The following NUP205 variants were observed in gnomAD, a reference collection of about 807,000 sequenced individuals.
The protein encoded by NUP205 is nuclear pore complex protein Nup205.
In NUP205, 76 loss-of-function variants were observed where a neutral mutation model predicts 253.8. That is an observed-to-expected ratio of 0.30 (90% CI 0.25 to 0.36). The LOEUF is 0.36. Among genes scored for constraint, NUP205 ranks in the 10% least tolerant of loss-of-function variants. NUP205 has a pLI of 1.00. For synonymous variants in NUP205, 832 were observed against 850.1 expected, an observed-to-expected ratio of 0.98 and a Z score of 0.37; for missense variants, 2,162 against 2,425.5, an observed-to-expected ratio of 0.89 and a Z score of 2.28.
chr7:135,618,666 T>C (rs902279669), intron 28 of NUP205, 63 bp downstream of exon 28: 1 of 1,385,018 alleles, frequency 7.2e-7, no homozygotes, highest in Non-Finnish European at 9.8e-7. Context: ...CAAATATATT[T>C]TGGCATCCTA....
At chr7:135,587,514 C>T in intron 8 of NUP205, 61 bp from the exon 9 acceptor site, 1 of 940,394 alleles carries the variant, frequency 1.1e-6, no homozygotes. Flanking sequence ...TGCCTGATTT[C>T]ATTATTATTA....
intron 29 of NUP205, 27 bp downstream of exon 29, chr7:135,619,717 A>G (rs1794434786): frequency 1.3e-6 from 2 of 1,599,510 alleles, no homozygotes; most frequent in African/African-American, 2.7e-5. Flanking sequence ...TTGTCTATAA[A>G]TTCTATCTTT....
intron 1 of NUP205, among the ~76,000 whole-genome samples, chr7:135,560,386 A>AGG (rs1164694333): frequency 1.3e-5 from 2 of 152,226 alleles, no homozygotes; most frequent in Non-Finnish European, 2.9e-5. Context: ...ACAGCAGCAA[A>AGG]GAGTGTACAT....
At chr7:135,595,048 G>A (rs1793792818) in intron 13 of NUP205, among the ~76,000 whole-genome samples, 2 of 152,194 alleles carry the variant, frequency 1.3e-5, no homozygotes, top group South Asian at 2.1e-4. Flanking sequence ...CCAGGCTGCT[G>A]TAAGCCCTCA....
chr7:135,634,235 G>T (rs555036363), intron 35 of NUP205, among the ~76,000 whole-genome samples: 4 of 152,254 alleles, frequency 2.6e-5, no homozygotes, highest in African/African-American at 9.6e-5. Context: ...CTGGCTCACA[G>T]ATATTCTGAA....
chr7:135,606,404 CA>C (rs1794087038), intron 20 of NUP205, among the ~76,000 whole-genome samples, 178 bp downstream of exon 20: 1 of 152,170 alleles, frequency 6.6e-6, no homozygotes, highest in African/African-American at 2.4e-5. Context: ...TTTTGACCAC[CA>C]CCAACATGAC....
intron 9 of NUP205, 36 bp from the exon 10 acceptor site, chr7:135,587,819 A>G (rs1806512950): frequency 6.3e-7 from 1 of 1,579,428 alleles, no homozygotes; most frequent in East Asian, 2.3e-5. Context: ...TTTCAGTCAT[A>G]GACATTTCCC....
chr7:135,624,714 A>T (rs1172859874), intron 31 of NUP205, among the ~76,000 whole-genome samples: 1 of 151,918 alleles, frequency 6.6e-6, no homozygotes, highest in Non-Finnish European at 1.5e-5. Flanking sequence ...CGGATTCCTG[A>T]CAAGTGCTCC....
At chr7:135,581,729 T>G (rs1806309780) in intron 7 of NUP205, among the ~76,000 whole-genome samples, 1 of 151,474 alleles carries the variant, frequency 6.6e-6, no homozygotes, top group South Asian at 2.1e-4. Context: ...GGCGCGTGCC[T>G]GTAATCCCAG....
chr7:135,615,297 G>A lies in NUP205; in HGVS notation c.3311-619G>A, dbSNP rs982059451. 4.6e-5 allele frequency among the ~76,000 whole-genome samples: 7 copies of A among 151,624 alleles called. No homozygotes were observed. In the East Asian group the frequency reaches 1.4e-3, roughly 29 times the overall value. Reference sequence around the variant, plus strand: ...ATTGTAGGACCAGGCACAGTGGCTCGCGCCTATAATCCCAGTGCTTAGGTA... The same window carrying A: ...ATTGTAGGACCAGGCACAGTGGCTCACGCCTATAATCCCAGTGCTTAGGTA... On this transcript the variant is annotated intron_variant, in intron 23 of 42. Transcript: ENST00000285968.
intron 30 of NUP205, among the ~76,000 whole-genome samples, chr7:135,621,299 GT>G (rs1277530750): frequency 2.6e-5 from 4 of 152,224 alleles, no homozygotes; most frequent in Non-Finnish European, 4.4e-5. Flanking sequence ...GTTTAGAGAA[GT>G]TTTTTAAGCA....
rs74654433 is a variant in NUP205, at chr7:135,638,072, T to A, written c.5265+13T>A. 21 of 1,607,448 alleles carry A rather than the reference T, an allele frequency of 1.3e-5. 1 individual carries two copies. In the Admixed American group the frequency reaches 3.6e-4, roughly 28 times the overall value. On this transcript the variant is annotated intron_variant, in intron 37 of 42. Transcript: ENST00000285968. ...GGCTATGCAGCAGGTAAGAACCATG[T>A]GACTTCTCTAAGGTTTTTATGTTTT...
At chr7:135,594,830 C>T in intron 13 of NUP205, 101 bp downstream of exon 13, 1 of 853,736 alleles carries the variant, frequency 1.2e-6, no homozygotes, top group Non-Finnish European at 1.8e-6. Flanking sequence ...TATAGTATAT[C>T]ATGAACATCC....
At chr7:135,610,745 A>G (rs1183280302) in intron 22 of NUP205, among the ~76,000 whole-genome samples, 1 of 152,158 alleles carries the variant, frequency 6.6e-6, no homozygotes, top group Non-Finnish European at 1.5e-5. Flanking sequence ...TTAAACCTCT[A>G]AGTAAGAAGA....
At chr7:135,597,778 T>G (rs1278153361) in intron 14 of NUP205, 1 of 503,116 alleles carries the variant, frequency 2.0e-6, no homozygotes, top group Non-Finnish European at 3.5e-6. Flanking sequence ...TGTTTTAAAT[T>G]CAAGTTTGGG....
chr7:135,616,667 G>C lies in NUP205; in HGVS notation c.3473G>C (p.Gly1158Ala), dbSNP rs752570255. 6.6e-5 allele frequency: 103 copies of C among 1,561,618 alleles called. No homozygotes were observed. The highest frequency in any genetic ancestry group is 3.5e-4 in the East Asian group (15 of 42,906). Residue 1158 changes from glycine (G) to alanine (A), a missense_variant, in exon 25 of 43, where the codon GGA (glycine) becomes GCA (alanine). Around this residue, in one of 5 missense-constraint regions of NUP205, gnomAD observed 1,144 missense variants for 1,280.9 expected, o/e 0.89. Coordinates refer to ENST00000285968, the MANE Select transcript of NUP205 (RefSeq NM_015135.3). ...PVKPYSDGEG[G>A]IEDENRSVSG... ...GATATTCCAACAGATGGTGAAGGAG[G>C]AATAGAAGATGAAAACAGGTCTGTT...
In NUP205 at chr7:135,619,587, C is replaced by T; in HGVS notation, c.4128C>T (p.Thr1376=). The change falls in exon 29 of 43, where the codon ACC becomes ACT. Residue 1376 remains threonine (T), a synonymous_variant. Transcript: ENST00000285968. ...HYAFMLDSCF[T]SPPPEENPLV... ...CTTTTATGCTTGATAGTTGCTTCACCTCACCTCCTCCTGAAGAGAACCCAT... is the reference window on the plus strand; with the variant it reads ...CTTTTATGCTTGATAGTTGCTTCACTTCACCTCCTCCTGAAGAGAACCCAT... 1 of 1,614,104 alleles carries T rather than the reference C, an allele frequency of 6.2e-7. No individual in the cohort carries two copies. The highest frequency in any genetic ancestry group is 8.5e-7 in the Non-Finnish European group (1 of 1,180,010).
At position 135,591,531 on chromosome 7, in the gene NUP205, G is replaced by A. The variant is rs780536210; in HGVS notation, c.1555G>A (p.Gly519Arg). The A allele has an allele frequency of 1.2e-6, 2 of 1,614,002 alleles. No homozygotes were observed. Among genetic ancestry groups the A allele is most frequent in the Non-Finnish European group, 8.5e-7 (1 of 1,179,924 alleles). Residue 519 changes from glycine (G) to arginine (R), a missense_variant, in exon 11 of 43, where the codon GGA (glycine) becomes AGA (arginine). By Grantham distance (125) the Gly-to-Arg change is moderately radical. Transcript: ENST00000285968. Reference protein sequence around the residue: ...IYIPYLKMLQGLANGPQCAHY... With the variant: ...IYIPYLKMLQRLANGPQCAHY... ...TATTCCTTATTTGAAGATGCTCCAG[G>A]GATTGGCCAATGGGCCTCAGTGTGC...
chr7:135,634,237 T>C (rs2129492253), intron 35 of NUP205, among the ~76,000 whole-genome samples: 1 of 152,332 alleles, frequency 6.6e-6, no homozygotes, highest in Middle Eastern at 3.4e-3. Flanking sequence ...GGCTCACAGA[T>C]ATTCTGAAAA....
Sources: allele counts gnomAD v4.1 joint callset (sites outside exome capture counted in the v4.1 genomes callset), GRCh38; gene constraint gnomAD v4.1.1; regional missense constraint gnomAD v4.1.1; transcripts MANE v1.5; gene names NCBI Gene and HGNC (gene_info 2026-07-23, HGNC 2026-07-21).